AMD1: variants seen among roughly 807,000 people sequenced by gnomAD.
The protein encoded by AMD1 is S-adenosylmethionine decarboxylase proenzyme.
A neutral mutation model predicts 40.2 loss-of-function variants in AMD1; 11 were observed. The observed-to-expected ratio is 0.27, with a 90% CI of 0.17 to 0.45. The LOEUF (loss-of-function observed/expected upper bound fraction) is 0.45, where lower values mean the gene tolerates loss of function less well. AMD1 is among the 20% of genes least tolerant of loss of function. The pLI, the probability that AMD1 is intolerant of heterozygous loss-of-function variation, is 1.00. For missense variants in AMD1, 257 were observed against 410.2 expected, an observed-to-expected ratio of 0.63 and a Z score of 3.23; for synonymous variants, 121 against 130.8, an observed-to-expected ratio of 0.93 and a Z score of 0.51.
intron 4 of AMD1, chr6:110,891,468 T>G (rs1282386899): frequency 6.6e-6 from 1 of 152,272 alleles, no homozygotes; most frequent in Non-Finnish European, 1.5e-5. Context: ...TCGTAAGGGT[T>G]TCTTTCATCC....
In AMD1 at chr6:110,895,609, A is replaced by G. The variant is rs540686668; in HGVS notation, c.*1993A>G. On this transcript the variant is annotated 3_prime_UTR_variant, in exon 9 of 9. Coordinates refer to ENST00000368885, the MANE Select transcript of AMD1 (RefSeq NM_001634.6). ...ATAGAAGAGGGAAAGTTTTGGTGCC[A>G]TAATTTCTCCTTTCACTGGTGTTGG... 1 of 152,648 alleles carries G rather than the reference A, an allele frequency of 6.6e-6. No individual in the cohort carries two copies. Among genetic ancestry groups the G allele is most frequent in the African/African-American group, 2.4e-5 (1 of 41,456 alleles). The allele number at this position is 152,648 out of a possible 1,614,324, so 9.5% of individuals were successfully genotyped here. A position where few individuals can be genotyped will look rare whatever the true frequency, so the allele number is the denominator to read the frequency against.
chr6:110,855,065 C>CTTTT, the AMD1 span, among the ~76,000 whole-genome samples: 807 of 80,372 alleles, frequency 0.01, 82 homozygotes, highest in East Asian at 0.16. Flanking sequence ...CTCTCTCTCT[C>CTTTT]TTTTTTTTTT....
At chr6:110,847,263 C>T in the AMD1 span, among the ~76,000 whole-genome samples, 2 of 152,010 alleles carry the variant, frequency 1.3e-5, no homozygotes, top group Admixed American at 1.3e-4. Flanking sequence ...CAGTGGCTCA[C>T]GCCTGTAATC....
the AMD1 span, among the ~76,000 whole-genome samples, chr6:110,823,750 A>G: frequency 6.6e-6 from 1 of 152,346 alleles, no homozygotes; most frequent in South Asian, 2.1e-4. Flanking sequence ...TCTTTTCTAG[A>G]AGAACTCAAT....
At chr6:110,869,257 A>G in the AMD1 span, among the ~76,000 whole-genome samples, 11 of 151,520 alleles carry the variant, frequency 7.3e-5, no homozygotes, top group African/African-American at 2.7e-4. Context: ...CAGCCTCCCA[A>G]GTAGCTGGGA....
chr6:110,890,032 G>T, intron 3 of AMD1: 1 of 431,778 alleles, frequency 2.3e-6, no homozygotes, highest in Non-Finnish European at 4.1e-6. Flanking sequence ...AGAGAGAGAT[G>T]GGGCCTCAGT....
At chr6:110,857,009 C>T in the AMD1 span, among the ~76,000 whole-genome samples, 2 of 151,730 alleles carry the variant, frequency 1.3e-5, no homozygotes, top group African/African-American at 4.8e-5. Flanking sequence ...ACTAAAAATA[C>T]AAAAATTAGT....
At chr6:110,862,722 G>A in the AMD1 span, among the ~76,000 whole-genome samples, 3 of 151,864 alleles carry the variant, frequency 2.0e-5, no homozygotes, top group African/African-American at 7.3e-5. Context: ...TGCCTGCCTC[G>A]GCCTCCCAAA....
rs1562332998 is a variant in AMD1, at chr6:110,875,112, G to C, written c.7G>C (p.Ala3Pro). The part of the protein sequence containing the change: ME[A>P]AHFFEGTEKL... The stretch of plus-strand genomic sequence containing the variant: ...GTTCGCTAGTCTCACGGTGATGGAA[G>C]CTGCACATTTTTTCGAAGGGACCGA... The change falls in exon 1 of 9, where the codon GCT becomes CCT. Residue 3 changes from alanine to proline, a missense_variant. Physicochemically the swap from Ala to Pro is conservative, Grantham distance 27. Transcript: ENST00000368885. The C allele has an allele frequency of 1.2e-6, 2 of 1,613,198 alleles. No individual in the cohort carries two copies. Among genetic ancestry groups the C allele is most frequent in the Admixed American group, 1.7e-5 (1 of 59,898 alleles).
chr6:110,837,992 G>A, the AMD1 span, among the ~76,000 whole-genome samples: 1 of 149,424 alleles, frequency 6.7e-6, no homozygotes, highest in African/African-American at 2.5e-5. Flanking sequence ...AACCTGGGAG[G>A]CAGAGGTGGC....
the AMD1 span, among the ~76,000 whole-genome samples, chr6:110,837,143 T>C: frequency 8.3e-6 from 1 of 120,082 alleles, no homozygotes; most frequent in African/African-American, 3.3e-5. Flanking sequence ...ATACCACCAC[T>C]GCAGTACAGT....
chr6:110,855,496 T>C, the AMD1 span, among the ~76,000 whole-genome samples: 1 of 152,202 alleles, frequency 6.6e-6, no homozygotes, highest in South Asian at 2.1e-4. Context: ...GACCATCTGG[T>C]GCCTTCCAAA....
intron 6 of AMD1, 48 bp downstream of exon 6, chr6:110,892,491 C>G (rs573832033): frequency 8.1e-6 from 13 of 1,599,980 alleles, no homozygotes; most frequent in Non-Finnish European, 1.1e-5. Context: ...TGCGTGGGGA[C>G]TAAATTTTAT....
intron 1 of AMD1, among the ~76,000 whole-genome samples, chr6:110,885,234 C>T (rs1235530347): frequency 1.3e-5 from 2 of 151,952 alleles, no homozygotes; most frequent in Admixed American, 1.3e-4. Context: ...GCCTCAGCCT[C>T]CAGAGTAGCT....
At chr6:110,884,988 A>G (rs1171688533) in intron 1 of AMD1, among the ~76,000 whole-genome samples, 1 of 152,258 alleles carries the variant, frequency 6.6e-6, no homozygotes, top group Non-Finnish European at 1.5e-5. Context: ...TGTTTCTAAT[A>G]CTTAAATCAT....
At chr6:110,874,520 A>C (rs1784987853), upstream of AMD1, among the ~76,000 whole-genome samples, 3 of 150,246 alleles carry the variant, frequency 2.0e-5, no homozygotes, top group African/African-American at 2.5e-5. Context: ...CTCCCCACCC[A>C]CTCTGCGTTC....
At chr6:110,815,545 C>G in the AMD1 span, 1 of 157,858 alleles carries the variant, frequency 6.3e-6, no homozygotes, top group Non-Finnish European at 1.4e-5. Context: ...GTTTTGCCGG[C>G]GTAAGAAATA....
At chr6:110,854,705 C>T in the AMD1 span, among the ~76,000 whole-genome samples, 1 of 152,112 alleles carries the variant, frequency 6.6e-6, no homozygotes, top group Non-Finnish European at 1.5e-5. Context: ...GCCTCGGCCT[C>T]CCAAAGTGCT....
At chr6:110,843,011 T>C in the AMD1 span, among the ~76,000 whole-genome samples, 1 of 152,004 alleles carries the variant, frequency 6.6e-6, no homozygotes. Context: ...TGGGCACCTG[T>C]AGTCCCAGCT....
Sources: allele counts gnomAD v4.1 joint callset (sites outside exome capture counted in the v4.1 genomes callset), GRCh38; gene constraint gnomAD v4.1.1; transcripts MANE v1.5; gene names NCBI Gene and HGNC (gene_info 2026-07-23, HGNC 2026-07-21).